Variants in TNPO3 observed in about 807,000 individuals in gnomAD.
TNPO3 encodes the protein transportin 3, also known as transportin-3.
In TNPO3, 65 loss-of-function variants were observed where a neutral mutation model predicts 122.8. The observed-to-expected ratio is 0.53, with a 90% confidence interval of 0.43 to 0.65. The LOEUF is 0.65. TNPO3 is among the 30% of genes least tolerant of loss of function. The probability of loss-of-function intolerance (pLI) is 0.00; values close to 1 mark genes in which losing one functional copy is unlikely to be tolerated. For missense variants in TNPO3, 850 were observed against 1,136.7 expected (o/e 0.75, Z 3.63); for synonymous variants, 372 against 411.2 (o/e 0.90, Z 1.15).
At chr7:129,051,856 C>G (rs1808814138) in intron 1 of TNPO3, among the ~76,000 whole-genome samples, 1 of 152,132 alleles carries the variant, frequency 6.6e-6, no homozygotes, top group Admixed American at 6.5e-5. Flanking sequence ...GTTGGCCAGG[C>G]TGGTCTCAAA....
At chr7:128,983,037 A>C (rs1799786444) in intron 13 of TNPO3, among the ~76,000 whole-genome samples, 1 of 152,206 alleles carries the variant, frequency 6.6e-6, no homozygotes, top group South Asian at 2.1e-4. Flanking sequence ...CCACCAACTG[A>C]ATAGGTCCCT....
intron 8 of TNPO3, among the ~76,000 whole-genome samples, chr7:128,995,126 G>T (rs1216005590): frequency 6.6e-6 from 1 of 152,120 alleles, no homozygotes; most frequent in Non-Finnish European, 1.5e-5. Flanking sequence ...CATGTAGGTG[G>T]ACAGATATAA....
chr7:129,012,730 A>C (rs1803356808), intron 4 of TNPO3, among the ~76,000 whole-genome samples: 1 of 152,196 alleles, frequency 6.6e-6, no homozygotes, highest in South Asian at 2.1e-4. Context: ...GGGCTAATCA[A>C]TTTATTAGCA....
At chr7:129,021,651 T>C (rs1376856901) in intron 1 of TNPO3, among the ~76,000 whole-genome samples, 1 of 152,120 alleles carries the variant, frequency 6.6e-6, no homozygotes, top group African/African-American at 2.4e-5. Flanking sequence ...TCAAATGTCA[T>C]ATATGGCTGA....
At chr7:128,973,388 T>C (rs1443751781) in intron 18 of TNPO3, among the ~76,000 whole-genome samples, 1 of 152,194 alleles carries the variant, frequency 6.6e-6, no homozygotes, top group African/African-American at 2.4e-5. Context: ...TGTTTCATCA[T>C]TTGTATAAAG....
At chr7:128,959,439 G>A (rs368222007) in intron 21 of TNPO3, among the ~76,000 whole-genome samples, 2 of 152,188 alleles carry the variant, frequency 1.3e-5, no homozygotes, top group African/African-American at 2.4e-5. Flanking sequence ...TCAAGCTATC[G>A]TCCTGCCTCA....
chr7:129,050,575 G>A (rs1464707400), intron 1 of TNPO3, among the ~76,000 whole-genome samples: 2 of 152,298 alleles, frequency 1.3e-5, no homozygotes, highest in South Asian at 4.1e-4. Flanking sequence ...AAGGTTTACT[G>A]TGGAAAGATT....
chr7:129,055,202 T>C, upstream of TNPO3: 1 of 159,306 alleles, frequency 6.3e-6, no homozygotes, highest in Non-Finnish European at 1.4e-5. Context: ...CCTCCTCTTG[T>C]CTCCCCGCCC....
chr7:129,008,423 G>A (rs1183457019), intron 4 of TNPO3, among the ~76,000 whole-genome samples: 3 of 151,316 alleles, frequency 2.0e-5, no homozygotes, highest in Non-Finnish European at 4.4e-5. Flanking sequence ...ATAAGAAAAT[G>A]TCACAAATAT....
At chr7:129,050,150 A>G (rs1554445137) in intron 1 of TNPO3, among the ~76,000 whole-genome samples, 1 of 151,964 alleles carries the variant, frequency 6.6e-6, no homozygotes, top group Non-Finnish European at 1.5e-5. Context: ...TTGGGAGGCC[A>G]AGGTGGGCAG....
chr7:129,056,094 A>G (rs1584602228), upstream of TNPO3: 13 of 1,117,114 alleles, frequency 1.2e-5, no homozygotes, highest in Non-Finnish European at 1.8e-5. Flanking sequence ...GGGGGAGCTC[A>G]TCGGCACTCA....
At chr7:129,056,132 C>A, upstream of TNPO3, 2 of 1,030,608 alleles carry the variant, frequency 1.9e-6, no homozygotes, top group African/African-American at 1.6e-5. Flanking sequence ...CTGCCGACAC[C>A]AAGGTGATTT....
chr7:129,046,195 CAAAAAAAAA>C (rs5887409), intron 1 of TNPO3, among the ~76,000 whole-genome samples: 15 of 79,304 alleles, frequency 1.9e-4, no homozygotes, highest in African/African-American at 4.0e-4. Context: ...GACTCCGTCT[CAAAAAAAAA>C]AAAAAAAAAA....
At chr7:128,975,460 T>C (rs1437607045) in intron 17 of TNPO3, among the ~76,000 whole-genome samples, 1 of 152,178 alleles carries the variant, frequency 6.6e-6, no homozygotes, top group Non-Finnish European at 1.5e-5. Flanking sequence ...CCCTCCCTGC[T>C]GCTAAGTAAA....
At chr7:128,958,464 T>C (rs1797127116) in intron 21 of TNPO3, among the ~76,000 whole-genome samples, 2 of 152,268 alleles carry the variant, frequency 1.3e-5, no homozygotes, top group South Asian at 2.1e-4. Flanking sequence ...CTTAATATGC[T>C]TGCCTTCCTG....
chr7:129,003,526 C>G (rs879602385), intron 5 of TNPO3, among the ~76,000 whole-genome samples: 2 of 151,268 alleles, frequency 1.3e-5, no homozygotes, highest in Non-Finnish European at 3.0e-5. Flanking sequence ...ATTAGCCAGG[C>G]ATGGTGGCAC....
chr7:129,018,250 A>G (rs1804065681), intron 1 of TNPO3, 93 bp from the exon 2 acceptor site: 1 of 1,275,472 alleles, frequency 7.8e-7, no homozygotes, highest in East Asian at 2.5e-5. Context: ...TATTTAGCCC[A>G]AAGTATAAAG....
rs1798332218 is a variant in TNPO3, at chr7:128,970,323, T to C, written c.2431-8A>G. ...TTCAAAGTCTTCTTCATGCTGTATG[T>C]AGGAAAGCAGGAACATCAGATAAAT... On this transcript the variant is annotated splice_polypyrimidine_tract_variant and splice_region_variant and intron_variant, in intron 19 of 22. Transcript: ENST00000265388. The C allele has an allele frequency of 1.9e-6, 3 of 1,567,110 alleles. No individual in the cohort carries two copies. The highest frequency in any genetic ancestry group is 1.4e-5 in the African/African-American group (1 of 73,170).
intron 21 of TNPO3, among the ~76,000 whole-genome samples, chr7:128,958,833 G>A (rs930856613): frequency 5.3e-5 from 8 of 152,080 alleles, no homozygotes; most frequent in South Asian, 2.1e-4. Context: ...GGGAGACCCC[G>A]TCTCTACAAA....
Sources: allele counts gnomAD v4.1 joint callset (sites outside exome capture counted in the v4.1 genomes callset), GRCh38; gene constraint gnomAD v4.1.1; transcripts MANE v1.5; gene names NCBI Gene and HGNC (gene_info 2026-07-23, HGNC 2026-07-21).